Variants in SYNDIG1 observed in about 807,000 individuals in gnomAD.
The protein encoded by SYNDIG1 is synapse differentiation-inducing gene protein 1.
A neutral mutation model predicts 19.4 loss-of-function variants in SYNDIG1; 9 were observed. The observed-to-expected ratio is 0.46, with a 90% CI of 0.28 to 0.81. SYNDIG1 has a LOEUF of 0.81. Among genes scored for constraint, SYNDIG1 ranks in the 30% least tolerant of loss-of-function variants. SYNDIG1 has a pLI of 0.12. For missense variants in SYNDIG1, 311 were observed against 343.3 expected, an observed-to-expected ratio of 0.91 and a Z score of 0.74; for synonymous variants, 141 against 145.9, an observed-to-expected ratio of 0.97 and a Z score of 0.24.
chr20:24,554,647 A>T (rs1480176803), intron 2 of SYNDIG1, among the ~76,000 whole-genome samples: 1 of 152,142 alleles, frequency 6.6e-6, no homozygotes, highest in East Asian at 1.9e-4. Flanking sequence ...CATCCCAGGG[A>T]TGAAGCCCAC....
intron 3 of SYNDIG1, among the ~76,000 whole-genome samples, chr20:24,621,574 C>A (rs1191276519): frequency 1.3e-5 from 2 of 152,200 alleles, no homozygotes; most frequent in Admixed American, 1.3e-4. Flanking sequence ...GTATCTGAAG[C>A]AGTGGCATCC....
At chr20:24,637,556 T>C (rs1472698776) in intron 3 of SYNDIG1, among the ~76,000 whole-genome samples, 2 of 152,200 alleles carry the variant, frequency 1.3e-5, no homozygotes, top group Admixed American at 6.5e-5. Context: ...TCCAGACTTC[T>C]GCCACAGAGA....
intron 1 of SYNDIG1, among the ~76,000 whole-genome samples, chr20:24,487,065 T>C (rs897955468): frequency 7.1e-6 from 1 of 141,538 alleles, no homozygotes; most frequent in Non-Finnish European, 1.5e-5. Flanking sequence ...AGAGGGTCGG[T>C]GGATGTGGGG....
chr20:24,511,715 T>A (rs902592081), intron 1 of SYNDIG1, among the ~76,000 whole-genome samples: 1 of 152,166 alleles, frequency 6.6e-6, no homozygotes, highest in Non-Finnish European at 1.5e-5. Context: ...TGCTTTCCTA[T>A]GACCTTAGCT....
intron 1 of SYNDIG1, among the ~76,000 whole-genome samples, chr20:24,508,307 C>G (rs994973652): frequency 7.5e-5 from 10 of 132,824 alleles, no homozygotes; most frequent in African/African-American, 2.5e-4. Flanking sequence ...CGGCTCACTG[C>G]AACCTCCACC....
At chr20:24,483,747 CT>C (rs1353543023) in intron 1 of SYNDIG1, among the ~76,000 whole-genome samples, 2 of 152,184 alleles carry the variant, frequency 1.3e-5, no homozygotes, top group Admixed American at 1.3e-4. Flanking sequence ...TTTGCTTGAC[CT>C]TGTGGCAGAC....
At chr20:24,540,424 A>G (rs2057446481) in intron 1 of SYNDIG1, among the ~76,000 whole-genome samples, 1 of 152,140 alleles carries the variant, frequency 6.6e-6, no homozygotes, top group Non-Finnish European at 1.5e-5. Flanking sequence ...GTGTTCAATA[A>G]AAGTGGGAAA....
At chr20:24,591,160 G>A (rs552457382) in intron 3 of SYNDIG1, among the ~76,000 whole-genome samples, 3 of 151,986 alleles carry the variant, frequency 2.0e-5, no homozygotes, top group South Asian at 2.1e-4. Context: ...GAAAATGCAC[G>A]TATTTGGGAG....
At chr20:24,602,764 AGGGT>A (rs1486563007) in intron 3 of SYNDIG1, among the ~76,000 whole-genome samples, 2 of 152,218 alleles carry the variant, frequency 1.3e-5, no homozygotes, top group Non-Finnish European at 2.9e-5. Context: ...CTTCTGTAGA[AGGGT>A]TACCAGTCTG....
intron 3 of SYNDIG1, among the ~76,000 whole-genome samples, chr20:24,659,243 T>C (rs1488291710): frequency 6.6e-6 from 1 of 152,198 alleles, no homozygotes; most frequent in South Asian, 2.1e-4. Context: ...TCTTCCTTAA[T>C]AGCTTGTGGA....
At chr20:24,507,797 T>C (rs1462422320) in intron 1 of SYNDIG1, among the ~76,000 whole-genome samples, 1 of 152,154 alleles carries the variant, frequency 6.6e-6, no homozygotes, top group African/African-American at 2.4e-5. Context: ...GCCATCTGTT[T>C]CCTCCTGTCC....
At position 24,627,629 on chromosome 20, in the gene SYNDIG1, G is replaced by A. The variant is rs970332370; in HGVS notation, c.619-37717G>A. 3.3e-5 allele frequency among the ~76,000 whole-genome samples: 5 copies of A among 152,238 alleles called. No individual in the cohort carries two copies. The East Asian group carries it at 5.8e-4, about 18-fold the overall frequency. On this transcript the variant is annotated intron_variant, in intron 3 of 3. Coordinates refer to ENST00000376862, the MANE Select transcript of SYNDIG1 (RefSeq NM_024893.3). Reference sequence around the variant, plus strand: ...GGCTAAAAGACATGAAGCCTTCCCCGGTTCCCGGGACTGGAACTGACACTG... The same window carrying A: ...GGCTAAAAGACATGAAGCCTTCCCCAGTTCCCGGGACTGGAACTGACACTG...
intron 1 of SYNDIG1, among the ~76,000 whole-genome samples, chr20:24,515,311 C>T (rs1258723716): frequency 6.6e-6 from 1 of 152,056 alleles, no homozygotes; most frequent in African/African-American, 2.4e-5. Context: ...CACAAAAAAC[C>T]CTTCAGAAAA....
intron 3 of SYNDIG1, among the ~76,000 whole-genome samples, chr20:24,605,532 A>G (rs2058745141): frequency 6.6e-6 from 1 of 152,192 alleles, no homozygotes; most frequent in Non-Finnish European, 1.5e-5. Context: ...ACAATTCCAT[A>G]TAAATATTAA....
intron 3 of SYNDIG1, among the ~76,000 whole-genome samples, chr20:24,628,330 C>T (rs2059190006): frequency 6.6e-6 from 1 of 152,212 alleles, no homozygotes; most frequent in African/African-American, 2.4e-5. Context: ...CCTCTGCAGT[C>T]AGCAGCCCTG....
chr20:24,478,543 G>A (rs1255542002), intron 1 of SYNDIG1, among the ~76,000 whole-genome samples: 1 of 152,220 alleles, frequency 6.6e-6, no homozygotes, highest in Non-Finnish European at 1.5e-5. Flanking sequence ...CTCACCCACT[G>A]TACTTAGTTT....
chr20:24,562,718 C>A (rs1216121581), intron 2 of SYNDIG1, among the ~76,000 whole-genome samples: 1 of 152,130 alleles, frequency 6.6e-6, no homozygotes, highest in Non-Finnish European at 1.5e-5. Context: ...ATTTTTCAGA[C>A]TTGTGCTTTT....
At chr20:24,503,852 C>A (rs181669868) in intron 1 of SYNDIG1, among the ~76,000 whole-genome samples, 73 of 152,258 alleles carry the variant, frequency 4.8e-4, no homozygotes, top group Admixed American at 4.4e-3. Context: ...CCAGCGCCTA[C>A]TGCAGGGTGC....
chr20:24,516,063 A>G (rs574512471), intron 1 of SYNDIG1, among the ~76,000 whole-genome samples: 246 of 152,352 alleles, frequency 1.6e-3, no homozygotes, highest in African/African-American at 5.7e-3. Flanking sequence ...ATCTTTGACA[A>G]ACCTGACAAA....
Sources: gnomAD v4.1 joint callset for allele counts (sites outside exome capture counted in the v4.1 genomes callset) on GRCh38, gnomAD v4.1.1 for gene constraint, MANE v1.5 for transcripts, NCBI Gene and HGNC (gene_info 2026-07-23, HGNC 2026-07-21) for gene names.